FOXO1: variants seen among roughly 807,000 people sequenced by gnomAD.
FOXO1 encodes forkhead box O1.
FOXO1 carries 6 observed loss-of-function variants against 44.1 expected under a neutral mutation model. That is an observed-to-expected ratio of 0.14 (90% confidence interval 0.07 to 0.27). FOXO1 has a LOEUF of 0.27. Ranked by LOEUF, FOXO1 falls within the 10% of genes least tolerant of loss-of-function variation. The pLI, the probability that FOXO1 is intolerant of heterozygous loss-of-function variation, is 1.00. For missense variants in FOXO1, 737 were observed against 888.8 expected (o/e 0.83, Z 2.17); for synonymous variants, 380 against 362.7 (o/e 1.05, Z -0.54).
chr13:40,624,542 G>A (rs1000006865), intron 1 of FOXO1, among the ~76,000 whole-genome samples: 1 of 152,172 alleles, frequency 6.6e-6, no homozygotes, highest in East Asian at 1.9e-4. Flanking sequence ...TCTGACTAAA[G>A]GGGGTGGGGT....
intron 1 of FOXO1, among the ~76,000 whole-genome samples, chr13:40,642,271 G>A (rs1877377170): frequency 6.6e-6 from 1 of 152,078 alleles, no homozygotes; most frequent in South Asian, 2.1e-4. Flanking sequence ...CTTAAGAAGT[G>A]CTAGGATATG....
chr13:40,564,089 A>C (rs531513442), intron 1 of FOXO1, among the ~76,000 whole-genome samples: 1 of 152,330 alleles, frequency 6.6e-6, no homozygotes, highest in East Asian at 1.9e-4. Flanking sequence ...CCCAGATAGA[A>C]GCTTCCTGGT....
intron 1 of FOXO1, among the ~76,000 whole-genome samples, chr13:40,621,517 T>C (rs76983463): frequency 0.026 from 3,926 of 152,346 alleles, 106 homozygotes; most frequent in Middle Eastern, 0.058. Flanking sequence ...AGGAAATTTA[T>C]ATAACATTTA....
At chr13:40,656,021 A>G (rs1877849226) in intron 1 of FOXO1, among the ~76,000 whole-genome samples, 1 of 152,084 alleles carries the variant, frequency 6.6e-6, no homozygotes, top group African/African-American at 2.4e-5. Flanking sequence ...CCACAATGCC[A>G]TTTTTACTGC....
chr13:40,647,510 T>G (rs1217403542), intron 1 of FOXO1, among the ~76,000 whole-genome samples: 1 of 152,118 alleles, frequency 6.6e-6, no homozygotes, highest in African/African-American at 2.4e-5. Flanking sequence ...GTTCAAGCAA[T>G]TCTCATGCCT....
At chr13:40,604,372 C>T (rs1359472716) in intron 1 of FOXO1, among the ~76,000 whole-genome samples, 1 of 144,544 alleles carries the variant, frequency 6.9e-6, no homozygotes, top group Non-Finnish European at 1.5e-5. Context: ...CATAATTAGT[C>T]TGGTGTCAGA....
intron 1 of FOXO1, among the ~76,000 whole-genome samples, chr13:40,658,077 A>AT (rs149118895): frequency 8.2e-4 from 125 of 152,316 alleles, no homozygotes; most frequent in African/African-American, 3.0e-3. Context: ...AGCAGCATGA[A>AT]TTAAAAGATT....
intron 1 of FOXO1, among the ~76,000 whole-genome samples, chr13:40,567,514 C>T (rs1203607917): frequency 3.9e-5 from 6 of 152,030 alleles, no homozygotes. Context: ...TACCTGCAAC[C>T]CCACTGCTGG....
At chr13:40,621,127 G>A (rs1566077877) in intron 1 of FOXO1, 2 of 384,896 alleles carry the variant, frequency 5.2e-6, no homozygotes, top group Admixed American at 6.5e-5. Context: ...AGAGCAGACT[G>A]ACAATCTTTC....
intron 1 of FOXO1, among the ~76,000 whole-genome samples, chr13:40,570,147 T>C (rs1232180125): frequency 6.6e-6 from 1 of 151,598 alleles, no homozygotes; most frequent in African/African-American, 2.4e-5. Context: ...CCCCCTCTAC[T>C]AAAAATACAA....
intron 1 of FOXO1, among the ~76,000 whole-genome samples, chr13:40,562,056 C>T (rs1230468011): frequency 6.6e-6 from 1 of 151,162 alleles, no homozygotes; most frequent in Non-Finnish European, 1.5e-5. Context: ...TAAGCAAATA[C>T]AAGTGAATGT....
At chr13:40,633,944 A>AT (rs1158172042) in intron 1 of FOXO1, among the ~76,000 whole-genome samples, 7 of 152,180 alleles carry the variant, frequency 4.6e-5, no homozygotes, top group African/African-American at 1.7e-4. Flanking sequence ...TGCTATTCCT[A>AT]TTTTGCCAAG....
intron 1 of FOXO1, among the ~76,000 whole-genome samples, chr13:40,644,648 A>G (rs1877456931): frequency 6.6e-6 from 1 of 152,178 alleles, no homozygotes; most frequent in Non-Finnish European, 1.5e-5. Context: ...CAGTTATACA[A>G]TTCCCGGTTT....
intron 1 of FOXO1, among the ~76,000 whole-genome samples, chr13:40,630,042 C>A (rs1444852055): frequency 6.6e-6 from 1 of 152,050 alleles, no homozygotes; most frequent in Non-Finnish European, 1.5e-5. Flanking sequence ...AAATAATGCC[C>A]ACCACTTCAA....
At chr13:40,577,125 G>C (rs1260794420) in intron 1 of FOXO1, among the ~76,000 whole-genome samples, 1 of 152,056 alleles carries the variant, frequency 6.6e-6, no homozygotes, top group Non-Finnish European at 1.5e-5. Context: ...GGGGCATGAG[G>C]ATAAGCTGCA....
intron 1 of FOXO1, among the ~76,000 whole-genome samples, chr13:40,564,950 G>A (rs943520150): frequency 8.6e-5 from 13 of 150,598 alleles, no homozygotes; most frequent in East Asian, 1.9e-4. Flanking sequence ...TGGGGGAGTC[G>A]GGGAACCCCG....
rs532307250 is a variant in FOXO1 at position 40,655,062 on chromosome 13, G to A, written c.630+10521C>T. On this transcript the variant is annotated intron_variant, in intron 1 of 2. Transcript: ENST00000379561. Reference sequence around the variant, plus strand: ...AAACATCAATAGTGGTCGGCAGGGCGTGGGGGCTCATGCCAGTGATCCCAG... The same window carrying A: ...AAACATCAATAGTGGTCGGCAGGGCATGGGGGCTCATGCCAGTGATCCCAG... Among the ~76,000 whole-genome samples, 227 of 152,262 alleles carry A rather than the reference G, an allele frequency of 1.5e-3. 1 individual carries two copies. Among genetic ancestry groups the A allele is most frequent in the African/African-American group, 5.3e-3 (221 of 41,558 alleles).
intron 1 of FOXO1, among the ~76,000 whole-genome samples, chr13:40,574,381 C>G (rs1332363205): frequency 1.3e-5 from 2 of 152,158 alleles, no homozygotes; most frequent in Non-Finnish European, 2.9e-5. Flanking sequence ...GCCCTGGTGT[C>G]TCCGTACCAA....
intron 1 of FOXO1, among the ~76,000 whole-genome samples, chr13:40,580,161 C>T (rs770923446): frequency 3.9e-5 from 6 of 152,150 alleles, no homozygotes; most frequent in Non-Finnish European, 7.4e-5. Flanking sequence ...AAACAAAAAC[C>T]CAGGCATTTT....
Sources: allele counts gnomAD v4.1 joint callset (sites outside exome capture counted in the v4.1 genomes callset), GRCh38; gene constraint gnomAD v4.1.1; transcripts MANE v1.5; gene names NCBI Gene and HGNC (gene_info 2026-07-23, HGNC 2026-07-21).